THSD7A: variants seen among roughly 807,000 people sequenced by gnomAD.
THSD7A encodes the protein thrombospondin type-1 domain-containing protein 7A.
In THSD7A, 96 loss-of-function variants were observed where a neutral mutation model predicts 231.3. That is an observed-to-expected ratio of 0.41 (90% CI 0.35 to 0.49). THSD7A has a LOEUF of 0.49. THSD7A is among the 20% of genes least tolerant of loss of function. THSD7A has a pLI of 0.05. For missense variants in THSD7A, 2,290 were observed against 2,070.2 expected, an observed-to-expected ratio of 1.11 and a Z score of -2.06; for synonymous variants, 940 against 743.3, an observed-to-expected ratio of 1.26 and a Z score of -4.30.
intron 1 of THSD7A, among the ~76,000 whole-genome samples, chr7:11,711,127 A>G (rs1780948117): frequency 6.6e-6 from 1 of 150,984 alleles, no homozygotes; most frequent in South Asian, 2.1e-4. Flanking sequence ...AGTACTGGGA[A>G]AGTTGAAGTA....
intron 2 of THSD7A, among the ~76,000 whole-genome samples, chr7:11,622,940 G>A (rs1387613158): frequency 6.6e-6 from 1 of 152,122 alleles, no homozygotes; most frequent in Non-Finnish European, 1.5e-5. Flanking sequence ...CATAGTTGTG[G>A]GAGAAAATAA....
chr7:11,517,668 TAATAG>T (rs1277646639), intron 6 of THSD7A, among the ~76,000 whole-genome samples: 8 of 152,198 alleles, frequency 5.3e-5, no homozygotes, highest in African/African-American at 1.9e-4. Flanking sequence ...TAACACAACT[TAATAG>T]AAGTCTTTAT....
intron 6 of THSD7A, among the ~76,000 whole-genome samples, chr7:11,485,450 C>T (rs1786615162): frequency 6.6e-6 from 1 of 152,154 alleles, no homozygotes; most frequent in Non-Finnish European, 1.5e-5. Flanking sequence ...TTGCTGAATG[C>T]CCATCTTCTG....
chr7:11,417,442 C>G lies in THSD7A; in HGVS notation c.3537+8G>C. 1.9e-6 allele frequency: 3 copies of G among 1,571,774 alleles called. No individual in the cohort carries two copies. The highest frequency in any genetic ancestry group is 1.2e-5 in the South Asian group (1 of 83,754). ...ACTCTACATTAATAAAAAGGTTAAT[C>G]ATCTCACCAAAACACATTGGGTCCA... On this transcript the variant is annotated splice_region_variant and intron_variant, in intron 17 of 27. Transcript: ENST00000423059.
intron 1 of THSD7A, among the ~76,000 whole-genome samples, chr7:11,707,595 C>T (rs1249632082): frequency 6.6e-6 from 1 of 150,876 alleles, no homozygotes; most frequent in Non-Finnish European, 1.5e-5. Flanking sequence ...GCAGGCAAAA[C>T]CATCAGAGAG....
At position 11,610,061 on chromosome 7, in the gene THSD7A, G is replaced by A. The variant is rs1044573296; in HGVS notation, c.1023-16559C>T. 7.4e-4 allele frequency among the ~76,000 whole-genome samples: 113 copies of A among 152,052 alleles called. 1 individual carries two copies. Among genetic ancestry groups the A allele is most frequent in the African/African-American group, 2.6e-3 (107 of 41,420 alleles). ...TCGAAAATGGTTAATGCCTACAAAT[G>A]TTTGATATGAAGATGATAGCAAGAT... On this transcript the variant is annotated intron_variant, in intron 2 of 27. Transcript: ENST00000423059.
chr7:11,683,619 C>G (rs1227803543), intron 1 of THSD7A, among the ~76,000 whole-genome samples: 1 of 151,848 alleles, frequency 6.6e-6, no homozygotes, highest in Non-Finnish European at 1.5e-5. Flanking sequence ...GCTAGAAAAT[C>G]TAGAAGAAAT....
At chr7:11,575,282 G>A (rs574001682) in intron 4 of THSD7A, among the ~76,000 whole-genome samples, 3 of 152,212 alleles carry the variant, frequency 2.0e-5, no homozygotes, top group Non-Finnish European at 4.4e-5. Flanking sequence ...AAGAGATGGC[G>A]TTATTGTTAA....
chr7:11,560,716 C>A (rs1166818229), intron 4 of THSD7A, among the ~76,000 whole-genome samples: 1 of 152,172 alleles, frequency 6.6e-6, no homozygotes, highest in Admixed American at 6.5e-5. Context: ...GATATCCTTA[C>A]TGAGATGCCC....
intron 1 of THSD7A, among the ~76,000 whole-genome samples, chr7:11,645,889 T>C (rs1011874412): frequency 6.6e-6 from 1 of 151,906 alleles, no homozygotes. Context: ...AATATTTCTG[T>C]GGTTTCTTTG....
chr7:11,606,609 T>C (rs1780742785), intron 2 of THSD7A, among the ~76,000 whole-genome samples: 1 of 152,148 alleles, frequency 6.6e-6, no homozygotes, highest in African/African-American at 2.4e-5. Context: ...AATATTCTTA[T>C]TGAGTTACAA....
chr7:11,711,599 TGAA>T (rs1554267365), intron 1 of THSD7A, among the ~76,000 whole-genome samples: 4 of 151,136 alleles, frequency 2.6e-5, no homozygotes, highest in Non-Finnish European at 4.5e-5. Context: ...CATGAGATGA[TGAA>T]GGTGAACCTA....
chr7:11,630,178 G>C (rs1407122814), intron 2 of THSD7A, among the ~76,000 whole-genome samples: 1 of 152,110 alleles, frequency 6.6e-6, no homozygotes, highest in Admixed American at 6.5e-5. Flanking sequence ...CAGAAGTTTG[G>C]AGTAATTAAC....
intron 1 of THSD7A, among the ~76,000 whole-genome samples, chr7:11,730,060 T>C (rs1449945865): frequency 6.6e-6 from 1 of 151,718 alleles, no homozygotes; most frequent in African/African-American, 2.4e-5. Flanking sequence ...CTGAAATGAC[T>C]GTAACGATTT....
intron 9 of THSD7A, among the ~76,000 whole-genome samples, chr7:11,469,275 C>G (rs929136912): frequency 8.5e-5 from 13 of 152,222 alleles, no homozygotes; most frequent in Non-Finnish European, 1.8e-4. Context: ...AGAAAAGACC[C>G]TGACCTAGAG....
intron 1 of THSD7A, among the ~76,000 whole-genome samples, chr7:11,773,097 C>G (rs1783287932): frequency 6.6e-6 from 1 of 151,972 alleles, no homozygotes; most frequent in African/African-American, 2.4e-5. Context: ...AATAAAGGCC[C>G]CATCATATGT....
chr7:11,762,791 G>T (rs1036334655), intron 1 of THSD7A, among the ~76,000 whole-genome samples: 1 of 151,616 alleles, frequency 6.6e-6, no homozygotes, highest in Admixed American at 6.6e-5. Flanking sequence ...AAATATTCAT[G>T]AAAAAAATTA....
intron 1 of THSD7A, among the ~76,000 whole-genome samples, chr7:11,744,320 T>C (rs1045796233): frequency 1.3e-5 from 2 of 151,922 alleles, no homozygotes; most frequent in African/African-American, 2.4e-5. Context: ...AAGAGAAAGC[T>C]TTACCATTAT....
At position 11,424,268 on chromosome 7, in the gene THSD7A, G is replaced by A. The variant is rs149929023; in HGVS notation, c.3383+428C>T. Among the ~76,000 whole-genome samples, 176 of 152,254 alleles carry A rather than the reference G, an allele frequency of 1.2e-3. 2 individuals are homozygous for A. Among genetic ancestry groups the A allele is most frequent in the Non-Finnish European group, 2.2e-3 (148 of 68,020 alleles). Reference sequence around the variant, plus strand: ...GTAGCTACAGAAGAACAAGTGACACGCAGGAACCAGCTGGGGGCTTCAGAG... The same window carrying A: ...GTAGCTACAGAAGAACAAGTGACACACAGGAACCAGCTGGGGGCTTCAGAG... On this transcript the variant is annotated intron_variant, in intron 16 of 27. Transcript: ENST00000423059.
Sources: allele counts gnomAD v4.1 joint callset (sites outside exome capture counted in the v4.1 genomes callset), GRCh38; gene constraint gnomAD v4.1.1; transcripts MANE v1.5; gene names NCBI Gene and HGNC (gene_info 2026-07-23, HGNC 2026-07-21).